UBASH3B: variants seen among roughly 807,000 people sequenced by gnomAD.
UBASH3B encodes the protein ubiquitin-associated and SH3 domain-containing protein B.
A neutral mutation model predicts 83.4 loss-of-function variants in UBASH3B; 37 were observed. That is an observed-to-expected ratio of 0.44 (90% CI 0.34 to 0.58). The LOEUF is 0.58. UBASH3B is among the 20% of genes least tolerant of loss of function. The pLI, the probability that UBASH3B is intolerant of heterozygous loss-of-function variation, is 0.01. For synonymous variants in UBASH3B, 304 were observed against 318.3 expected (o/e 0.96, Z 0.48); for missense variants, 657 against 827.2 (o/e 0.79, Z 2.52).
At chr11:122,724,105 A>G (rs1420306077) in intron 1 of UBASH3B, among the ~76,000 whole-genome samples, 2 of 152,180 alleles carry the variant, frequency 1.3e-5, no homozygotes, top group South Asian at 2.1e-4. Flanking sequence ...ATTTCTGGTT[A>G]TTTCGTTCAT....
At chr11:122,791,372 T>A (rs1861050591) in intron 6 of UBASH3B, among the ~76,000 whole-genome samples, 1 of 152,228 alleles carries the variant, frequency 6.6e-6, no homozygotes, top group Non-Finnish European at 1.5e-5. Flanking sequence ...ATAATTGCAC[T>A]TACCTCATAA....
chr11:122,692,602 A>G (rs1363694839), intron 1 of UBASH3B, among the ~76,000 whole-genome samples: 2 of 152,238 alleles, frequency 1.3e-5, no homozygotes, highest in African/African-American at 4.8e-5. Flanking sequence ...AGGAATGTGG[A>G]AGACAGTTTG....
At chr11:122,656,236 G>C in intron 1 of UBASH3B, 26 bp downstream of exon 1, 1 of 1,402,918 alleles carries the variant, frequency 7.1e-7, no homozygotes, top group Non-Finnish European at 9.3e-7. Context: ...CGCAGCCCTC[G>C]GCGACCCCTC....
At chr11:122,777,976 C>T (rs1486246766) in intron 3 of UBASH3B, among the ~76,000 whole-genome samples, 12 of 151,882 alleles carry the variant, frequency 7.9e-5, no homozygotes, top group Admixed American at 6.6e-4. Flanking sequence ...GTGATCCGCC[C>T]ACCTCAGCCT....
intron 1 of UBASH3B, among the ~76,000 whole-genome samples, chr11:122,665,735 A>T (rs1323008914): frequency 1.3e-5 from 2 of 152,352 alleles, no homozygotes; most frequent in Admixed American, 1.3e-4. Flanking sequence ...GTTTACTAGT[A>T]TGCAATAGTA....
chr11:122,698,332 G>A (rs986488678), intron 1 of UBASH3B, among the ~76,000 whole-genome samples: 1 of 151,042 alleles, frequency 6.6e-6, no homozygotes, highest in Non-Finnish European at 1.5e-5. Context: ...ATCTTCTGTT[G>A]CTCCCCACCT....
chr11:122,796,539 C>T (rs951370232), intron 8 of UBASH3B, among the ~76,000 whole-genome samples: 1 of 152,108 alleles, frequency 6.6e-6, no homozygotes, highest in African/African-American at 2.4e-5. Flanking sequence ...GCAGCAGAAA[C>T]GTGCCCTGAT....
At chr11:122,804,769 T>C (rs1376053519) in intron 11 of UBASH3B, among the ~76,000 whole-genome samples, 1 of 152,022 alleles carries the variant, frequency 6.6e-6, no homozygotes, top group East Asian at 1.9e-4. Context: ...TTTTGAGAAC[T>C]TACCACACCT....
chr11:122,717,465 G>A (rs1860544321), intron 1 of UBASH3B, among the ~76,000 whole-genome samples: 1 of 152,258 alleles, frequency 6.6e-6, no homozygotes, highest in Non-Finnish European at 1.5e-5. Flanking sequence ...CACCCAGGCT[G>A]CCTGGATCCT....
chr11:122,809,345 G>T (rs1861398877), intron 13 of UBASH3B, among the ~76,000 whole-genome samples: 1 of 152,218 alleles, frequency 6.6e-6, no homozygotes, highest in Non-Finnish European at 1.5e-5. Flanking sequence ...AAAGTACTGG[G>T]ATTACAGGCG....
At chr11:122,697,918 G>T (rs1247133089) in intron 1 of UBASH3B, among the ~76,000 whole-genome samples, 1 of 152,154 alleles carries the variant, frequency 6.6e-6, no homozygotes, top group African/African-American at 2.4e-5. Flanking sequence ...ACAGCCTCCG[G>T]AAACACATTC....
chr11:122,688,621 C>CTTTAT (rs200531378), intron 1 of UBASH3B, among the ~76,000 whole-genome samples: 52,390 of 132,600 alleles, frequency 0.4, 11,641 homozygotes, highest in East Asian at 0.68. Flanking sequence ...TAATTTTTTT[C>CTTTAT]TTTCTTTTAT....
intron 1 of UBASH3B, among the ~76,000 whole-genome samples, chr11:122,688,981 G>GC (rs1462750762): frequency 1.3e-4 from 1 of 7,672 alleles, no homozygotes; most frequent in Non-Finnish European, 5.7e-4. Context: ...GGGGAGGCGG[G>GC]GGGGGGGGGG....
chr11:122,686,508 A>G, intron 1 of UBASH3B, among the ~76,000 whole-genome samples: 1 of 152,166 alleles, frequency 6.6e-6, no homozygotes, highest in Non-Finnish European at 1.5e-5. Context: ...TGGTACTGAG[A>G]TGGTCTTAAA....
intron 1 of UBASH3B, among the ~76,000 whole-genome samples, chr11:122,684,707 C>T (rs1417207386): frequency 6.6e-6 from 1 of 152,180 alleles, no homozygotes; most frequent in Non-Finnish European, 1.5e-5. Flanking sequence ...AAGTGATTCT[C>T]CTGCCTCAGC....
chr11:122,796,337 G>T, intron 8 of UBASH3B, 61 bp downstream of exon 8: 3 of 1,590,844 alleles, frequency 1.9e-6, no homozygotes, highest in Non-Finnish European at 2.6e-6. Context: ...AGGCGGCACA[G>T]TCAAGCTACA....
At chr11:122,674,824 G>A (rs1460532618) in intron 1 of UBASH3B, among the ~76,000 whole-genome samples, 3 of 151,010 alleles carry the variant, frequency 2.0e-5, no homozygotes, top group African/African-American at 7.3e-5. Context: ...CGCCTTTTGG[G>A]TTCAAGCGAT....
At position 122,809,075 on chromosome 11, in the gene UBASH3B, C is replaced by T. The variant is rs560955444; in HGVS notation, c.1813-674C>T. ...AATGTTTGAGCTGACTTTTTCTTTT[C>T]TTTTTTCTTTTTTTTTTGAGACAGA... On this transcript the variant is annotated intron_variant, in intron 13 of 13. Transcript: ENST00000284273. Among the ~76,000 whole-genome samples, 602 of 151,162 alleles carry T rather than the reference C, an allele frequency of 4.0e-3. 2 individuals are homozygous for T. Among genetic ancestry groups the T allele is most frequent in the Middle Eastern group, 0.02 (6 of 294 alleles).
At chr11:122,801,133 T>G in intron 10 of UBASH3B, 55 bp from the exon 11 acceptor site, 1 of 1,594,362 alleles carries the variant, frequency 6.3e-7, no homozygotes, top group Non-Finnish European at 8.6e-7. Flanking sequence ...TTATAACAAC[T>G]TGGCCTGAGA....
Sources: allele counts gnomAD v4.1 joint callset (sites outside exome capture counted in the v4.1 genomes callset), GRCh38; gene constraint gnomAD v4.1.1; transcripts MANE v1.5; gene names NCBI Gene and HGNC (gene_info 2026-07-23, HGNC 2026-07-21).